The following SLC39A8 variants were observed in gnomAD, a reference collection of about 807,000 sequenced individuals.
SLC39A8 encodes solute carrier family 39 member 8, also known as metal cation symporter ZIP8.
In SLC39A8, 15 loss-of-function variants were observed where a neutral mutation model predicts 40.4. The observed-to-expected ratio is 0.37, with a 90% CI of 0.25 to 0.57. The LOEUF is 0.57. SLC39A8 is among the 20% of genes least tolerant of loss of function. The pLI is 0.75. For missense variants in SLC39A8, 472 were observed against 558.8 expected, an observed-to-expected ratio of 0.84 and a Z score of 1.57; for synonymous variants, 223 against 221.6, an observed-to-expected ratio of 1.01 and a Z score of -0.06.
At chr4:102,276,777 A>C (rs1011134855) in intron 6 of SLC39A8, among the ~76,000 whole-genome samples, 5 of 152,222 alleles carry the variant, frequency 3.3e-5, no homozygotes, top group South Asian at 2.1e-4. Context: ...GCACATTAAA[A>C]AGCTTATCCA....
intron 6 of SLC39A8, among the ~76,000 whole-genome samples, chr4:102,272,676 T>A (rs534389645): frequency 2.6e-5 from 4 of 152,158 alleles, no homozygotes; most frequent in Admixed American, 2.6e-4. Flanking sequence ...GATGGCCAAG[T>A]AGGAACAGCT....
chr4:102,307,285 T>C, intron 4 of SLC39A8, 151 bp downstream of exon 4: 3 of 940,300 alleles, frequency 3.2e-6, no homozygotes, highest in East Asian at 2.4e-5. Context: ...GACAAGCCTT[T>C]ACAATTGCTG....
intron 7 of SLC39A8, 33 bp downstream of exon 7, chr4:102,267,839 G>A (rs1732171060): frequency 1.2e-6 from 2 of 1,604,984 alleles, no homozygotes; most frequent in East Asian, 2.2e-5. Context: ...CAAGAAGTAA[G>A]CAGACTTTTA....
chr4:102,310,699 C>T (rs1734393036), intron 3 of SLC39A8, among the ~76,000 whole-genome samples: 1 of 152,104 alleles, frequency 6.6e-6, no homozygotes, highest in Non-Finnish European at 1.5e-5. Context: ...TTCCATTCAA[C>T]TGAAGCACTT....
At chr4:102,253,408 A>G (rs1285033813) in exon 12 of SLC39A8, 4 of 716,736 alleles carry the variant, frequency 5.6e-6, no homozygotes, top group Non-Finnish European at 1.0e-5. Flanking sequence ...GAAATACTCC[A>G]GATAATGAAA....
chr4:102,310,163 C>G (rs892885442), intron 3 of SLC39A8, among the ~76,000 whole-genome samples: 1 of 151,844 alleles, frequency 6.6e-6, no homozygotes, highest in Non-Finnish European at 1.5e-5. Context: ...TTTACCTTTA[C>G]ACTGTGGTTC....
Position 102,344,645 on chromosome 4 carries a change from C to T in SLC39A8, c.18G>A (p.Ala6=). 5.9e-6 allele frequency: 9 copies of T among 1,536,124 alleles called. No homozygotes were observed. The highest frequency in any genetic ancestry group is 7.9e-6 in the Non-Finnish European group (9 of 1,142,380). The change falls in exon 2 of 9, where the codon GCG becomes GCA. Residue 6 remains alanine, a synonymous_variant. Coordinates refer to ENST00000356736, the MANE Select transcript of SLC39A8 (RefSeq NM_001135146.2). MAPGR[A]VAGLLLLAAA... is the part of the protein sequence containing the mutation. ...CCGCCAGCAACAGGAGCCCGGCCAC[C>T]GCGCGACCCGGGGCCATCCTGGCCT...
intron 2 of SLC39A8, among the ~76,000 whole-genome samples, chr4:102,342,620 A>G (rs1735994483): frequency 6.6e-6 from 1 of 152,218 alleles, no homozygotes; most frequent in Admixed American, 6.5e-5. Context: ...TGATGCCCAC[A>G]GAGGCCATAA....
intron 6 of SLC39A8, among the ~76,000 whole-genome samples, chr4:102,296,874 G>A (rs1425848052): frequency 6.6e-6 from 1 of 152,054 alleles, no homozygotes; most frequent in Admixed American, 6.6e-5. Context: ...TATATTTCTA[G>A]CATTTAGCCC....
At chr4:102,264,306 G>GA (rs1731999066) in intron 8 of SLC39A8, among the ~76,000 whole-genome samples, 1 of 152,166 alleles carries the variant, frequency 6.6e-6, no homozygotes, top group Non-Finnish European at 1.5e-5. Flanking sequence ...ATCTCCATAA[G>GA]AGCTCTTAGG....
In SLC39A8 at chr4:102,344,696, G is replaced by T. The variant is rs753227272; in HGVS notation, c.-34C>A. The T allele has an allele frequency of 1.4e-6, 2 of 1,410,806 alleles. No individual in the cohort carries two copies. Among genetic ancestry groups the T allele is most frequent in the South Asian group, 3.1e-5 (2 of 64,588 alleles). The allele number at this position is 1,410,806 out of a possible 1,614,324, so 87.4% of individuals were successfully genotyped here. ...GGGCTTCCCCTTGAGGGCCCGCGACGGGCTGCCGCGCAGAGGGACGCGCGC... is the reference window on the plus strand; with the variant it reads ...GGGCTTCCCCTTGAGGGCCCGCGACTGGCTGCCGCGCAGAGGGACGCGCGC... On this transcript the variant is annotated 5_prime_UTR_variant, in exon 2 of 9. Coordinates refer to ENST00000356736, the MANE Select transcript of SLC39A8 (RefSeq NM_001135146.2).
At chr4:102,327,356 TGTAAAAGGATA>T (rs1735256841) in intron 2 of SLC39A8, among the ~76,000 whole-genome samples, 1 of 152,220 alleles carries the variant, frequency 6.6e-6, no homozygotes, top group Non-Finnish European at 1.5e-5. Flanking sequence ...TTCAGCATGC[TGTAAAAGGATA>T]GATGAATACT....
intron 6 of SLC39A8, among the ~76,000 whole-genome samples, chr4:102,294,703 C>T (rs1733605395): frequency 6.6e-6 from 1 of 152,032 alleles, no homozygotes; most frequent in Non-Finnish European, 1.5e-5. Flanking sequence ...ATACACTCTT[C>T]CTTACTGTTT....
intron 6 of SLC39A8, among the ~76,000 whole-genome samples, chr4:102,291,024 C>T (rs539033028): frequency 3.9e-5 from 6 of 151,998 alleles, no homozygotes; most frequent in Non-Finnish European, 8.8e-5. Flanking sequence ...AACGTTCAAC[C>T]TCTCCCTGTC....
chr4:102,277,006 T>C (rs1732648368), intron 6 of SLC39A8, among the ~76,000 whole-genome samples: 1 of 152,148 alleles, frequency 6.6e-6, no homozygotes, highest in Admixed American at 6.6e-5. Context: ...ATAAGAACTA[T>C]TTATGACAAA....
intron 2 of SLC39A8, among the ~76,000 whole-genome samples, chr4:102,326,083 G>T (rs1479743431): frequency 6.6e-6 from 1 of 152,112 alleles, no homozygotes; most frequent in Non-Finnish European, 1.5e-5. Flanking sequence ...GTCTTCAGGG[G>T]GCAGAGGCCA....
intron 6 of SLC39A8, among the ~76,000 whole-genome samples, chr4:102,300,718 G>A (rs1733887844): frequency 6.6e-6 from 1 of 151,968 alleles, no homozygotes; most frequent in East Asian, 1.9e-4. Flanking sequence ...AACTCAAATT[G>A]AACCCTGAGT....
At chr4:102,282,953 C>T (rs1732969562) in intron 6 of SLC39A8, among the ~76,000 whole-genome samples, 1 of 152,160 alleles carries the variant, frequency 6.6e-6, no homozygotes, top group African/African-American at 2.4e-5. Flanking sequence ...GTCTCGATCT[C>T]TTGACCTCAT....
chr4:102,337,233 C>CAAA (rs34502649), intron 2 of SLC39A8, among the ~76,000 whole-genome samples: 13 of 110,052 alleles, frequency 1.2e-4, no homozygotes, highest in African/African-American at 3.8e-4. Context: ...TCACTTTTCT[C>CAAA]AAAAAAAAAA....
Sources: allele counts gnomAD v4.1 joint callset (sites outside exome capture counted in the v4.1 genomes callset), GRCh38; gene constraint gnomAD v4.1.1; transcripts MANE v1.5; gene names NCBI Gene and HGNC (gene_info 2026-07-23, HGNC 2026-07-21).